The following NAALADL2 variants were observed in gnomAD, a reference collection of about 807,000 sequenced individuals.
The protein encoded by NAALADL2 is inactive N-acetylated-alpha-linked acidic dipeptidase-like protein 2.
A neutral mutation model predicts 87.2 loss-of-function variants in NAALADL2; 76 were observed. That is an observed-to-expected ratio of 0.87 (90% CI 0.72 to 1.05). The LOEUF (loss-of-function observed/expected upper bound fraction) is 1.05. Among genes scored for constraint, NAALADL2 ranks in the 50% least tolerant of loss-of-function variants. The probability of loss-of-function intolerance (pLI) is 0.00; values close to 1 mark genes in which losing one functional copy is unlikely to be tolerated. For synonymous variants in NAALADL2, 354 were observed against 331.0 expected (o/e 1.07, Z -0.75); for missense variants, 1,089 against 945.8 (o/e 1.15, Z -1.99).
chr3:175,151,658 A>C (rs1278099700), intron 2 of NAALADL2, among the ~76,000 whole-genome samples: 1 of 152,148 alleles, frequency 6.6e-6, no homozygotes, highest in Non-Finnish European at 1.5e-5. Context: ...CAAAAAACCC[A>C]ATAATGATTT....
At chr3:175,111,960 G>A (rs1173426386) in intron 2 of NAALADL2, among the ~76,000 whole-genome samples, 1 of 151,570 alleles carries the variant, frequency 6.6e-6, no homozygotes, top group African/African-American at 2.4e-5. Context: ...TAATGTAGTG[G>A]ATGATCTTGA....
Position 174,870,484 on chromosome 3 carries a change from G to A in NAALADL2, c.43+11034G>A, listed in dbSNP as rs140215601. On this transcript the variant is annotated intron_variant, in intron 1 of 13. Transcript: ENST00000454872. Reference sequence around the variant, plus strand: ...TATTTGAAGAAGGCAAAATACGGTTGGTATCAATGTTTACCCACGGAAATA... The same window carrying A: ...TATTTGAAGAAGGCAAAATACGGTTAGTATCAATGTTTACCCACGGAAATA... 1.7e-3 allele frequency among the ~76,000 whole-genome samples: 254 copies of A among 151,970 alleles called. 1 individual carries two copies. Among genetic ancestry groups the A allele is most frequent in the African/African-American group, 5.6e-3 (232 of 41,416 alleles).
At chr3:175,093,035 T>C (rs929803529) in intron 1 of NAALADL2, among the ~76,000 whole-genome samples, 2 of 151,878 alleles carry the variant, frequency 1.3e-5, no homozygotes, top group Non-Finnish European at 2.9e-5. Flanking sequence ...TAGATAATTA[T>C]TCATGCAGAT....
At chr3:175,461,146 A>G (rs1032547055) in intron 6 of NAALADL2, among the ~76,000 whole-genome samples, 1 of 152,050 alleles carries the variant, frequency 6.6e-6, no homozygotes, top group South Asian at 2.1e-4. Flanking sequence ...TCCTTTAGCT[A>G]GACACAGAAT....
chr3:174,468,285 TGTGA>T (rs1378196819), intron 1 of NAALADL2, among the ~76,000 whole-genome samples: 1 of 152,174 alleles, frequency 6.6e-6, no homozygotes, highest in African/African-American at 2.4e-5. Flanking sequence ...TTATGAGGAA[TGTGA>T]GTGTGAAGAG....
At chr3:174,859,548 C>T (rs1008065440) in intron 1 of NAALADL2, 98 bp downstream of exon 1, 112 of 924,196 alleles carry the variant, frequency 1.2e-4, no homozygotes, top group East Asian at 2.6e-5. Flanking sequence ...TGCACACACG[C>T]ATCCCTGCAT....
chr3:174,702,132 A>G lies in NAALADL2; in HGVS notation c.-114-35509A>G, dbSNP rs188704499. Among the ~76,000 whole-genome samples, 432 of 152,208 alleles carry G rather than the reference A, an allele frequency of 2.8e-3. 1 individual carries two copies. Among genetic ancestry groups the G allele is most frequent in the African/African-American group, 9.8e-3 (409 of 41,546 alleles). ...TGGTCAGTCTACTAAGTATGTAGTGATATCTCATTGTTATTTAATTTTTAT... is the reference window on the plus strand; with the variant it reads ...TGGTCAGTCTACTAAGTATGTAGTGGTATCTCATTGTTATTTAATTTTTAT... On this transcript the variant is annotated intron_variant, in intron 2 of 3. Coordinates refer to the NAALADL2 transcript ENST00000434257.
At chr3:174,675,552 A>G (rs1243152492) in intron 2 of NAALADL2, among the ~76,000 whole-genome samples, 1 of 152,052 alleles carries the variant, frequency 6.6e-6, no homozygotes, top group Non-Finnish European at 1.5e-5. Flanking sequence ...GCAAAAAGCA[A>G]TTTTTGCAAC....
chr3:174,609,804 GA>G (rs1156590096), intron 2 of NAALADL2, among the ~76,000 whole-genome samples: 7 of 152,006 alleles, frequency 4.6e-5, no homozygotes, highest in African/African-American at 1.7e-4. Flanking sequence ...CACAGAATTG[GA>G]AAAAACTACT....
chr3:175,666,771 G>A (rs183501770), intron 11 of NAALADL2, among the ~76,000 whole-genome samples: 26 of 152,148 alleles, frequency 1.7e-4, no homozygotes, highest in African/African-American at 6.3e-4. Flanking sequence ...TAGCACCTTA[G>A]TAGTGTAGAT....
intron 3 of NAALADL2, among the ~76,000 whole-genome samples, chr3:174,786,449 C>CAA (rs36127298): frequency 3.0e-4 from 37 of 122,662 alleles, no homozygotes; most frequent in African/African-American, 1.0e-3. Flanking sequence ...GACTCTGTCT[C>CAA]AAAAAAAAAA....
At chr3:175,612,895 G>A (rs1378439724) in intron 10 of NAALADL2, among the ~76,000 whole-genome samples, 1 of 152,050 alleles carries the variant, frequency 6.6e-6, no homozygotes, top group Non-Finnish European at 1.5e-5. Flanking sequence ...ATGTAATTTT[G>A]TATGTTAATA....
intron 1 of NAALADL2, among the ~76,000 whole-genome samples, chr3:174,930,849 T>C (rs1390950290): frequency 6.6e-6 from 1 of 151,720 alleles, no homozygotes; most frequent in Non-Finnish European, 1.5e-5. Flanking sequence ...GTCTCCTTCT[T>C]CTGACCTTGT....
At chr3:175,284,059 G>A (rs1028118714) in intron 4 of NAALADL2, among the ~76,000 whole-genome samples, 7 of 151,962 alleles carry the variant, frequency 4.6e-5, no homozygotes, top group Admixed American at 1.3e-4. Context: ...TGCTGAAATC[G>A]ATTGGGTTTC....
Position 174,763,437 on chromosome 3 carries a change from A to C in NAALADL2, c.-9+25691A>C, listed in dbSNP as rs192965855. Among the ~76,000 whole-genome samples the C allele has an allele frequency of 6.3e-3, 953 of 151,598 alleles. 9 individuals carry two copies. The highest frequency in any genetic ancestry group is 0.027 in the Middle Eastern group (8 of 294). On this transcript the variant is annotated intron_variant, in intron 3 of 3. Transcript: ENST00000434257. Reference sequence around the variant, plus strand: ...CCCTGTCTCTACTAAAAATACAAAAATTAGCTGGGCGTGGTGGTGCATACC... The same window carrying C: ...CCCTGTCTCTACTAAAAATACAAAACTTAGCTGGGCGTGGTGGTGCATACC...
In NAALADL2 at chr3:174,891,890, G is replaced by T. The variant is rs144512518; in HGVS notation, c.43+32440G>T. On this transcript the variant is annotated intron_variant, in intron 1 of 13. Coordinates refer to ENST00000454872, the MANE Select transcript of NAALADL2 (RefSeq NM_207015.3). ...CAGCACAGCTCAAAGCTGCAAAAGA[G>T]ACTTCTTCCTTCTGCTTGAGGAGAA... 2.3e-3 allele frequency among the ~76,000 whole-genome samples: 350 copies of T among 152,068 alleles called. 3 individuals carry two copies. Among genetic ancestry groups the T allele is most frequent in the African/African-American group, 8.2e-3 (340 of 41,480 alleles).
intron 2 of NAALADL2, among the ~76,000 whole-genome samples, chr3:174,667,392 A>C (rs144307926): frequency 0.013 from 1,952 of 152,170 alleles, 25 homozygotes; most frequent in Middle Eastern, 0.058. Flanking sequence ...GGCACTTTTA[A>C]AGGGGTCTTA....
rs565211311 is a variant in NAALADL2, at chr3:174,561,715, A to G, written c.-115+11078A>G. ...ATCAGAAGCCTGACTAGAGATGCCA[A>G]GCAGAGAATCTTTCTCACCATTTGC... On this transcript the variant is annotated intron_variant, in intron 2 of 3. Transcript: ENST00000434257. Among the ~76,000 whole-genome samples, 296 of 152,326 alleles carry G rather than the reference A, an allele frequency of 1.9e-3. 1 individual carries two copies. The highest frequency in any genetic ancestry group is 6.8e-3 in the African/African-American group (284 of 41,574).
chr3:175,656,761 C>A (rs948618470), intron 11 of NAALADL2, among the ~76,000 whole-genome samples: 4 of 151,036 alleles, frequency 2.6e-5, no homozygotes, highest in Non-Finnish European at 1.5e-5. Flanking sequence ...GTGCAGGGGG[C>A]GAGGGGGAGT....
Sources: allele counts gnomAD v4.1 joint callset (sites outside exome capture counted in the v4.1 genomes callset), GRCh38; gene constraint gnomAD v4.1.1; transcripts MANE v1.5; gene names NCBI Gene and HGNC (gene_info 2026-07-23, HGNC 2026-07-21).